SRL: variants seen among roughly 807,000 people sequenced by gnomAD.
SRL encodes sarcalumenin.
SRL carries 23 observed loss-of-function variants against 39.5 expected under a neutral mutation model. That is an observed-to-expected ratio of 0.58 (90% CI 0.42 to 0.82). SRL has a LOEUF of 0.82. Ranked by LOEUF, SRL falls within the 40% of genes least tolerant of loss-of-function variation. The probability of loss-of-function intolerance (pLI) is 0.00; values close to 1 mark genes in which losing one functional copy is unlikely to be tolerated. For missense variants in SRL, 592 were observed against 607.8 expected (o/e 0.97, Z 0.27); for synonymous variants, 272 against 237.4 (o/e 1.15, Z -1.34).
At chr16:4,214,246 G>T (rs1013837017) in intron 1 of SRL, among the ~76,000 whole-genome samples, 2 of 152,200 alleles carry the variant, frequency 1.3e-5, no homozygotes, top group Non-Finnish European at 2.9e-5. Flanking sequence ...TTCTATTCCA[G>T]CCCGTCCAAG....
intron 1 of SRL, among the ~76,000 whole-genome samples, chr16:4,236,767 C>T (rs190364327): frequency 3.0e-4 from 46 of 152,262 alleles, no homozygotes; most frequent in Admixed American, 3.9e-4. Context: ...CCTCAGCCTC[C>T]CGAGTAGCTG....
At chr16:4,226,291 C>T (rs80133371) in intron 1 of SRL, among the ~76,000 whole-genome samples, 35 of 151,908 alleles carry the variant, frequency 2.3e-4, no homozygotes, top group African/African-American at 6.3e-4. Context: ...GGTGGATGAA[C>T]GAATGGACAG....
intron 1 of SRL, among the ~76,000 whole-genome samples, chr16:4,220,589 G>A (rs2052515673): frequency 6.6e-6 from 1 of 152,196 alleles, no homozygotes; most frequent in African/African-American, 2.4e-5. Flanking sequence ...CCGCCCCTCA[G>A]GCCGGGCCTC....
intron 2 of SRL, 92 bp downstream of exon 2, chr16:4,204,441 C>CCTCCAAGATACAGCCCCGGCCTCTAAGAT: frequency 1.7e-6 from 2 of 1,161,450 alleles, no homozygotes; most frequent in South Asian, 1.3e-5. Context: ...ACAGCCCCGG[C>CCTCCAAGATACAGCCCCGGCCTCTAAGAT]ACGCCCTGGC....
At chr16:4,195,833 A>T in intron 4 of SRL, 47 bp from the exon 5 acceptor site, 2 of 1,509,820 alleles carry the variant, frequency 1.3e-6, no homozygotes, top group South Asian at 2.3e-5. Context: ...TCTCTGTGAA[A>T]CAGATCTACT....
chr16:4,196,023 C>T (rs1250173030), intron 4 of SRL, among the ~76,000 whole-genome samples: 1 of 151,980 alleles, frequency 6.6e-6, no homozygotes, highest in Admixed American at 6.6e-5. Flanking sequence ...AGCAGTGGTG[C>T]AATCTCAGCT....
At chr16:4,208,196 G>C in intron 1 of SRL, 1 of 369,724 alleles carries the variant, frequency 2.7e-6, no homozygotes, top group South Asian at 2.1e-5. Context: ...CCGTCTTCTG[G>C]GATGTGGTGT....
chr16:4,237,060 A>G (rs891583136), intron 1 of SRL, among the ~76,000 whole-genome samples: 2 of 149,732 alleles, frequency 1.3e-5, no homozygotes, highest in African/African-American at 4.9e-5. Context: ...TCCTGCCTCA[A>G]CCTCCCAAGT....
chr16:4,195,943 C>T (rs1246597702), intron 4 of SRL, among the ~76,000 whole-genome samples, 157 bp from the exon 5 acceptor site: 3 of 152,072 alleles, frequency 2.0e-5, no homozygotes, highest in African/African-American at 7.2e-5. Context: ...TGTGGTAAAA[C>T]ATACATAACA....
chr16:4,192,964 C>T lies in SRL; in HGVS notation c.611G>A (p.Gly204Asp), dbSNP rs1464483507. The T allele has an allele frequency of 1.2e-6, 2 of 1,603,948 alleles. No individual in the cohort carries two copies. Among genetic ancestry groups the T allele is most frequent in the Non-Finnish European group, 1.7e-6 (2 of 1,175,526 alleles). ...CTGGCACACGTCGTTGAAGGGGTAG[C>T]CTTTGGGAGACAGAAGTGAGAAGTC... The part of the protein sequence containing the change: ...IIENRKQQER[G>D]YPFNDVCQWF... Residue 204 changes from glycine (G) to aspartate (D), a missense_variant and splice_region_variant, in exon 6 of 6, where the codon GGC becomes GAC. Transcript: ENST00000399609. This position sits in a 1 kb window ranked among gnomAD's most constrained non-coding sequence, Gnocchi z 4.0.
chr16:4,223,130 G>C (rs1201676882), intron 1 of SRL, among the ~76,000 whole-genome samples: 1 of 151,594 alleles, frequency 6.6e-6, no homozygotes, highest in Non-Finnish European at 1.5e-5. Context: ...TACTCGGGAG[G>C]CTGAGGCAGG....
At chr16:4,207,133 C>A (rs1381209377) in intron 1 of SRL, 1 of 456,648 alleles carries the variant, frequency 2.2e-6, no homozygotes, top group African/African-American at 2.0e-5. Flanking sequence ...GAGGCGCCCT[C>A]TGCTTCTTCT....
chr16:4,210,546 G>C (rs191385613), intron 1 of SRL, among the ~76,000 whole-genome samples: 4 of 138,754 alleles, frequency 2.9e-5, no homozygotes, highest in Non-Finnish European at 4.5e-5. Flanking sequence ...CTGGAGTGCA[G>C]TGAACGCGAT....
chr16:4,227,386 T>G (rs1389852902), intron 1 of SRL, among the ~76,000 whole-genome samples: 1 of 151,158 alleles, frequency 6.6e-6, no homozygotes, highest in Admixed American at 6.6e-5. Flanking sequence ...GGTGGATGGA[T>G]AGATGAATGG....
intron 2 of SRL, 124 bp downstream of exon 2, chr16:4,204,409 A>ATACAGCCCCGGCCTCTAAGC: frequency 1.2e-6 from 1 of 865,964 alleles, no homozygotes; most frequent in South Asian, 1.5e-5. Context: ...TCCAAGATAG[A>ATACAGCCCCGGCCTCTAAGC]TACAGCCCCG....
At chr16:4,194,295 C>T (rs1297854888) in intron 5 of SRL, among the ~76,000 whole-genome samples, 2 of 152,208 alleles carry the variant, frequency 1.3e-5, no homozygotes, top group African/African-American at 4.8e-5. Context: ...AAATTCTGTA[C>T]CCATTAACAG....
At chr16:4,218,557 C>T (rs1012768680) in intron 1 of SRL, among the ~76,000 whole-genome samples, 3 of 152,190 alleles carry the variant, frequency 2.0e-5, no homozygotes, top group Admixed American at 6.5e-5. Flanking sequence ...TTGCTCCTCT[C>T]GCACAAGTGA....
rs2052046442 is a variant in SRL at position 4,190,384 on chromosome 16, G to A, written c.*1769C>T. 1 of 398,678 alleles carries A rather than the reference G, an allele frequency of 2.5e-6. No individual in the cohort carries two copies. The highest frequency in any genetic ancestry group is 4.4e-6 in the Non-Finnish European group (1 of 226,154). 24.7% of individuals were successfully genotyped at this position (398,678 alleles called of 1,614,324 possible). Reference sequence around the variant, plus strand: ...TCCTGACTCCTGCCTCGTGGGTAAGGCCCCCAGGACAGCTTGTTCCCAAGA... The same window carrying A: ...TCCTGACTCCTGCCTCGTGGGTAAGACCCCCAGGACAGCTTGTTCCCAAGA... On this transcript the variant is annotated 3_prime_UTR_variant, in exon 6 of 6. Coordinates refer to ENST00000399609, the MANE Select transcript of SRL (RefSeq NM_001098814.2).
At chr16:4,216,715 T>C (rs9923728) in intron 1 of SRL, among the ~76,000 whole-genome samples, 37,518 of 151,992 alleles carry the variant, frequency 0.25, 4,643 homozygotes, top group Admixed American at 0.29. Flanking sequence ...TGAACAGAAA[T>C]CCTTGCAGAA....
Sources: allele counts gnomAD v4.1 joint callset (sites outside exome capture counted in the v4.1 genomes callset), GRCh38; gene constraint gnomAD v4.1.1; non-coding constraint Gnocchi (gnomAD v3.1); transcripts MANE v1.5; gene names NCBI Gene and HGNC (gene_info 2026-07-23, HGNC 2026-07-21).